GRIK2: variants seen among roughly 807,000 people sequenced by gnomAD.
The protein encoded by GRIK2 is glutamate receptor ionotropic, kainate 2.
GRIK2 carries 32 observed loss-of-function variants against 100.3 expected under a neutral mutation model. That is an observed-to-expected ratio of 0.32 (90% CI 0.24 to 0.43). The LOEUF is 0.43. Among genes scored for constraint, GRIK2 ranks in the 20% least tolerant of loss-of-function variants. The pLI is 1.00. For synonymous variants in GRIK2, 417 were observed against 389.4 expected (o/e 1.07, Z -0.83); for missense variants, 843 against 1,114.9 (o/e 0.76, Z 3.47).
intron 14 of GRIK2, among the ~76,000 whole-genome samples, chr6:101,939,764 C>CAA (rs1234261386): frequency 2.0e-5 from 3 of 152,018 alleles, no homozygotes; most frequent in Non-Finnish European, 2.9e-5. Flanking sequence ...CCTTCTCTTT[C>CAA]AAAACCAGAA....
intron 7 of GRIK2, among the ~76,000 whole-genome samples, chr6:101,738,898 G>A (rs1294327632): frequency 1.3e-5 from 2 of 152,222 alleles, no homozygotes; most frequent in Non-Finnish European, 2.9e-5. Context: ...GATAAGTGCT[G>A]TGAAGTAAAA....
chr6:101,687,017 C>A (rs933710251), intron 7 of GRIK2, among the ~76,000 whole-genome samples: 1 of 151,898 alleles, frequency 6.6e-6, no homozygotes, highest in Non-Finnish European at 1.5e-5. Flanking sequence ...CTGTGTCCTC[C>A]AAAAGATAGG....
chr6:102,002,898 G>T (rs894293591), intron 14 of GRIK2, among the ~76,000 whole-genome samples: 4 of 150,580 alleles, frequency 2.7e-5, no homozygotes, highest in Non-Finnish European at 3.0e-5. Context: ...ATTCATCTAT[G>T]TTTAAATATT....
intron 2 of GRIK2, among the ~76,000 whole-genome samples, chr6:101,554,706 T>C (rs927251347): frequency 2.6e-5 from 4 of 152,116 alleles, no homozygotes; most frequent in African/African-American, 9.7e-5. Context: ...AGGGGTAAGG[T>C]TGTGGATTAT....
intron 2 of GRIK2, among the ~76,000 whole-genome samples, chr6:101,454,870 T>A (rs1204933870): frequency 6.6e-6 from 1 of 152,100 alleles, no homozygotes; most frequent in Non-Finnish European, 1.5e-5. Context: ...TTTTCAAGAT[T>A]TTCAGACATT....
Position 101,928,229 on chromosome 6 carries a change from A to T in GRIK2, c.1868-186A>T, listed in dbSNP as rs1368080378. 2.4e-5 allele frequency: 14 copies of T among 593,988 alleles called. No individual in the cohort carries two copies. In the East Asian group the frequency reaches 3.9e-4, roughly 16 times the overall value. 36.8% of individuals were successfully genotyped at this position (593,988 alleles called of 1,614,324 possible). ...TATTTAAACAAGAATGTCCTAAAAG[A>T]TTGTCTATTTTCTGAAAATAGCCTC... On this transcript the variant is annotated intron_variant, in intron 13 of 16. Transcript: ENST00000369134.
chr6:101,488,755 TATTTA>T lies in GRIK2; in HGVS notation c.115+89368_115+89372del, dbSNP rs1772956576. ...AAATAAACACTTTTTTTAATGCTTCTATTTAATTTTCAAAGTTTTTTTTGTTATTG... is the reference window on the plus strand; with the variant it reads ...AAATAAACACTTTTTTTAATGCTTCTATTTTCAAAGTTTTTTTTGTTATTG... On this transcript the variant is annotated intron_variant, in intron 2 of 16. Transcript: ENST00000369134. 2.0e-5 allele frequency among the ~76,000 whole-genome samples: 3 copies of T among 146,706 alleles called. No homozygotes were observed. In the South Asian group the frequency reaches 6.4e-4, roughly 31 times the overall value.
At chr6:101,582,462 G>C (rs1778147680) in intron 2 of GRIK2, among the ~76,000 whole-genome samples, 1 of 152,066 alleles carries the variant, frequency 6.6e-6, no homozygotes, top group African/African-American at 2.4e-5. Flanking sequence ...TCTCTCTCCT[G>C]CTGCCCTGTG....
chr6:101,572,556 G>A (rs1191157545), intron 2 of GRIK2, among the ~76,000 whole-genome samples: 1 of 151,978 alleles, frequency 6.6e-6, no homozygotes, highest in Non-Finnish European at 1.5e-5. Context: ...CAAGGCCAAG[G>A]TTAGTTGTTT....
intron 2 of GRIK2, among the ~76,000 whole-genome samples, chr6:101,599,403 G>C (rs1414962277): frequency 6.6e-6 from 1 of 151,800 alleles, no homozygotes; most frequent in Non-Finnish European, 1.5e-5. Flanking sequence ...CTTCATGGTA[G>C]AACTATGTCT....
chr6:101,937,447 T>C (rs915182846), intron 14 of GRIK2, among the ~76,000 whole-genome samples: 1 of 152,142 alleles, frequency 6.6e-6, no homozygotes, highest in Non-Finnish European at 1.5e-5. Flanking sequence ...TGGATAATAG[T>C]TGTCACTGCA....
intron 7 of GRIK2, among the ~76,000 whole-genome samples, chr6:101,707,594 GTATATA>G (rs1193552049): frequency 1.9e-5 from 2 of 106,138 alleles, no homozygotes; most frequent in Non-Finnish European, 1.9e-5. Context: ...GTGTGTGTGT[GTATATA>G]TGTGTGTATA....
At chr6:101,692,849 G>A (rs1207294799) in intron 7 of GRIK2, among the ~76,000 whole-genome samples, 1 of 151,942 alleles carries the variant, frequency 6.6e-6, no homozygotes, top group Non-Finnish European at 1.5e-5. Context: ...AGAAATACTT[G>A]TATATTTCAG....
chr6:101,892,520 A>ATT (rs1562469075), intron 12 of GRIK2, among the ~76,000 whole-genome samples: 45 of 151,490 alleles, frequency 3.0e-4, no homozygotes, highest in African/African-American at 1.1e-3. Flanking sequence ...CTAATGTACC[A>ATT]GTTTTTTTTT....
intron 2 of GRIK2, among the ~76,000 whole-genome samples, chr6:101,473,159 TC>T (rs1772044757): frequency 6.7e-6 from 1 of 149,548 alleles, no homozygotes; most frequent in Middle Eastern, 3.2e-3. Flanking sequence ...CTTCTTTCCT[TC>T]CTTCTTTCCT....
At chr6:101,637,618 A>G (rs1305118255) in intron 4 of GRIK2, among the ~76,000 whole-genome samples, 1 of 152,134 alleles carries the variant, frequency 6.6e-6, no homozygotes, top group Non-Finnish European at 1.5e-5. Context: ...ACGTAGAGAA[A>G]AGGGTCTTTT....
chr6:102,031,734 G>C (rs1770013066), intron 14 of GRIK2, among the ~76,000 whole-genome samples: 1 of 151,246 alleles, frequency 6.6e-6, no homozygotes, highest in South Asian at 2.1e-4. Flanking sequence ...TTCTGTTCCT[G>C]TGTTAATTCA....
chr6:102,055,529 G>A lies in GRIK2; in HGVS notation c.2511G>A (p.Val837=), dbSNP rs1202805919. ...CCGGCTTGGTGCTTTCAGTTTTTGT[G>A]GCAGTGGGAGAATTTTTATACAAAT... is the stretch of plus-strand genomic sequence containing the variant. ...LAAGLVLSVF[V]AVGEFLYKSK... Residue 837 remains valine (V), a synonymous_variant, in exon 16 of 17, where the codon GTG becomes GTA. Coordinates refer to ENST00000369134, the MANE Select transcript of GRIK2 (RefSeq NM_021956.5). 1.2e-6 allele frequency: 2 copies of A among 1,611,918 alleles called. No individual in the cohort carries two copies. The highest frequency in any genetic ancestry group is 4.5e-5 in the East Asian group (2 of 44,846).
intron 2 of GRIK2, among the ~76,000 whole-genome samples, chr6:101,559,352 G>A (rs2852577): frequency 0.62 from 94,445 of 151,844 alleles, 29,740 homozygotes; most frequent in Middle Eastern, 0.68. Flanking sequence ...CAGGACTGAA[G>A]CTCTCTATAA....
Sources: allele counts gnomAD v4.1 joint callset (sites outside exome capture counted in the v4.1 genomes callset), GRCh38; gene constraint gnomAD v4.1.1; transcripts MANE v1.5; gene names NCBI Gene and HGNC (gene_info 2026-07-23, HGNC 2026-07-21).